The following IQCE variants were observed in gnomAD, a reference collection of about 807,000 sequenced individuals.
The protein encoded by IQCE is IQ domain-containing protein E.
IQCE carries 115 observed loss-of-function variants against 96.0 expected under a neutral mutation model. The ratio of observed to expected loss-of-function variants is 1.20; its 90% CI spans 1.03 to 1.40. IQCE has a LOEUF of 1.40. Among genes scored for constraint, IQCE ranks in the 40% most tolerant of loss-of-function variants. The pLI, the probability that IQCE is intolerant of heterozygous loss-of-function variation, is 0.00. For missense variants in IQCE, 1,041 were observed against 909.1 expected (o/e 1.15, Z -1.87); for synonymous variants, 412 against 371.2 (o/e 1.11, Z -1.26).
At chr7:2,597,699 ACT>A (rs1478595316) in intron 16 of IQCE, among the ~76,000 whole-genome samples, 1 of 152,118 alleles carries the variant, frequency 6.6e-6, no homozygotes, top group Non-Finnish European at 1.5e-5. Context: ...ACAGGGTCTC[ACT>A]CTGTTGCCCA....
At chr7:2,607,066 C>A (rs1344118660) in intron 20 of IQCE, 58 bp from the exon 21 acceptor site, 1 of 1,441,436 alleles carries the variant, frequency 6.9e-7, no homozygotes, top group Non-Finnish European at 9.3e-7. Flanking sequence ...CTGTAAACCT[C>A]AGAGAGGTTT....
In IQCE at chr7:2,586,346, C is replaced by T. The variant is rs1783110804; in HGVS notation, c.963C>T (p.Thr321=). The T allele has an allele frequency of 1.2e-6, 2 of 1,613,236 alleles. No homozygotes were observed. The highest frequency in any genetic ancestry group is 8.5e-7 in the Non-Finnish European group (1 of 1,179,836). Residue 321 remains threonine (T), a synonymous_variant, in exon 12 of 22, where the codon ACC becomes ACT. Transcript: ENST00000402050. ...LKEDLDRVLS[T]SPTISKTQGY... is the part of the protein sequence containing the mutation. ...AGGACCTGGACCGCGTGCTGAGCAC[C>T]TCCCCAACCATCTCCAAGACACAGG... is the stretch of plus-strand genomic sequence containing the variant.
intron 18 of IQCE, among the ~76,000 whole-genome samples, chr7:2,602,481 T>C (rs4719595): frequency 0.95 from 144,975 of 152,240 alleles, 69,155 homozygotes; most frequent in African/African-American, 0.98. Flanking sequence ...GGACCCCGCC[T>C]CAGTCACTCA....
chr7:2,575,232 G>A lies in IQCE; in HGVS notation c.465+1744G>A, dbSNP rs533230172. Among the ~76,000 whole-genome samples the A allele has an allele frequency of 1.0e-3, 156 of 152,350 alleles. 1 individual carries two copies. The highest frequency in any genetic ancestry group is 1.6e-3 in the Non-Finnish European group (106 of 68,032). ...GGCAGGCCTCCTTTCACGCTGCCCT[G>A]TAGGTCAAGGGGGTACCACCTCGTT... On this transcript the variant is annotated intron_variant, in intron 6 of 21. Coordinates refer to ENST00000402050, the MANE Select transcript of IQCE (RefSeq NM_152558.5).
intron 1 of IQCE, among the ~76,000 whole-genome samples, chr7:2,565,242 T>C (rs7811250): frequency 0.074 from 10,942 of 148,464 alleles, 847 homozygotes; most frequent in East Asian, 0.29. Flanking sequence ...TGTGTGCGTG[T>C]GTGTGTGTGC....
At chr7:2,598,803 C>G (rs548285960) in intron 17 of IQCE, 171 bp downstream of exon 17, 1 of 497,602 alleles carries the variant, frequency 2.0e-6, no homozygotes, top group Non-Finnish European at 3.3e-6. Flanking sequence ...CACCTCCGTT[C>G]TGGGTGCGTT....
At chr7:2,579,795 G>T (rs886391135) in intron 8 of IQCE, among the ~76,000 whole-genome samples, 2 of 151,636 alleles carry the variant, frequency 1.3e-5, no homozygotes, top group African/African-American at 4.8e-5. Flanking sequence ...CCAGGCTGGC[G>T]TGCAGTGGCA....
In IQCE at chr7:2,610,328, A is replaced by C. The variant is rs772648811; in HGVS notation, c.*166A>C. On this transcript the variant is annotated 3_prime_UTR_variant, in exon 22 of 22. Coordinates refer to ENST00000402050, the MANE Select transcript of IQCE (RefSeq NM_152558.5). ...CTTTTGTTTGTGGAAGGAGACCCAA[A>C]TGCCTTTACTTTATTCTCTGGGGAG... is the stretch of plus-strand genomic sequence containing the variant. The C allele has an allele frequency of 5.8e-5, 34 of 589,814 alleles. No homozygotes were observed. Among genetic ancestry groups the C allele is most frequent in the Non-Finnish European group, 9.2e-5 (30 of 325,988 alleles). 36.5% of individuals were successfully genotyped at this position (589,814 alleles called of 1,614,324 possible).
intron 1 of IQCE, among the ~76,000 whole-genome samples, chr7:2,563,961 G>A (rs1331696248): frequency 6.7e-6 from 1 of 149,144 alleles, no homozygotes; most frequent in Non-Finnish European, 1.5e-5. Context: ...TGTAATCCCA[G>A]CACTTTGGGA....
Position 2,567,175 on chromosome 7 carries a change from TG to T in IQCE, c.84+15del. The T allele has an allele frequency of 1.2e-6, 2 of 1,612,374 alleles. No homozygotes were observed. The highest frequency in any genetic ancestry group is 1.7e-6 in the Non-Finnish European group (2 of 1,178,870). ...CTGATGTGGAGACGGTGAGTGCCGC[TG>T]GGTGTCAGCCGTGCGACCTCGGGCT... is the stretch of plus-strand genomic sequence containing the variant. On this transcript the variant is annotated intron_variant, in intron 2 of 21. Coordinates refer to ENST00000402050, the MANE Select transcript of IQCE (RefSeq NM_152558.5).
At chr7:2,602,821 C>T (rs576425497) in intron 18 of IQCE, among the ~76,000 whole-genome samples, 5 of 152,360 alleles carry the variant, frequency 3.3e-5, no homozygotes, top group East Asian at 1.9e-4. Flanking sequence ...CCAGTATGGT[C>T]GCGGGTGTGG....
intron 14 of IQCE, among the ~76,000 whole-genome samples, chr7:2,591,559 C>T (rs1002469825): frequency 2.0e-5 from 3 of 151,884 alleles, no homozygotes; most frequent in South Asian, 2.1e-4. Context: ...ATGCAGCCAC[C>T]GAGGCCCTAC....
intron 6 of IQCE, among the ~76,000 whole-genome samples, chr7:2,577,496 G>T (rs1476966722): frequency 7.3e-6 from 1 of 136,880 alleles, no homozygotes; most frequent in African/African-American, 2.9e-5. Flanking sequence ...ATTGGCGTGT[G>T]CGTGGCTGTG....
At chr7:2,575,560 G>A (rs1267553867) in intron 6 of IQCE, among the ~76,000 whole-genome samples, 1 of 151,892 alleles carries the variant, frequency 6.6e-6, no homozygotes, top group South Asian at 2.1e-4. Flanking sequence ...GAGGGTACTG[G>A]GTGCAGCCGG....
intron 15 of IQCE, 78 bp downstream of exon 15, chr7:2,593,204 C>G (rs182395876): frequency 7.7e-5 from 116 of 1,502,902 alleles, no homozygotes; most frequent in African/African-American, 4.4e-4. Flanking sequence ...CCCGTGGCGT[C>G]TCAGCCTTGC....
At chr7:2,581,809 A>G (rs1005853714) in intron 8 of IQCE, among the ~76,000 whole-genome samples, 6 of 149,948 alleles carry the variant, frequency 4.0e-5, no homozygotes, top group Admixed American at 6.7e-5. Flanking sequence ...TCCCGGGTTC[A>G]TGCCATTCTC....
chr7:2,598,629 C>G lies in IQCE; in HGVS notation c.1605C>G (p.His535Gln). The part of the protein sequence containing the change: ...VLQAQWKVYK[H>Q]KKKKAVLDEA... Reference sequence around the variant, plus strand: ...AGGCCCAGTGGAAGGTGTACAAGCACAAGGTGAGGCTCCCCGGGGCGACCC... The same window carrying G: ...AGGCCCAGTGGAAGGTGTACAAGCAGAAGGTGAGGCTCCCCGGGGCGACCC... The change falls in exon 17 of 22, where the codon CAC becomes CAG. Residue 535 changes from histidine to glutamine, a missense_variant. By Grantham distance (24) the His-to-Gln change is conservative (BLOSUM62 0). Coordinates refer to ENST00000402050, the MANE Select transcript of IQCE (RefSeq NM_152558.5). 1 of 1,542,816 alleles carries G rather than the reference C, an allele frequency of 6.5e-7. No homozygotes were observed. The highest frequency in any genetic ancestry group is 8.7e-7 in the Non-Finnish European group (1 of 1,144,372).
At chr7:2,609,814 G>C (rs1785029385) in intron 21 of IQCE, among the ~76,000 whole-genome samples, 1 of 152,058 alleles carries the variant, frequency 6.6e-6, no homozygotes, top group Non-Finnish European at 1.5e-5. Context: ...CCTGAGGCTG[G>C]AGAGTGAGGC....
At chr7:2,562,708 G>T (rs1781056443) in intron 1 of IQCE, among the ~76,000 whole-genome samples, 1 of 149,936 alleles carries the variant, frequency 6.7e-6, no homozygotes, top group African/African-American at 2.5e-5. Flanking sequence ...TGGTTTCATT[G>T]ATTTTTCTAT....
Sources: gnomAD v4.1 joint callset for allele counts (sites outside exome capture counted in the v4.1 genomes callset) on GRCh38, gnomAD v4.1.1 for gene constraint, MANE v1.5 for transcripts, NCBI Gene and HGNC (gene_info 2026-07-23, HGNC 2026-07-21) for gene names.